Variants in CSMD1 observed in about 807,000 individuals in gnomAD.
CSMD1 encodes the protein CUB and Sushi multiple domains 1, also known as CUB and sushi domain-containing protein 1.
A neutral mutation model predicts 417.5 loss-of-function variants in CSMD1; 213 were observed. The ratio of observed to expected loss-of-function variants is 0.51; its 90% CI spans 0.46 to 0.57. The LOEUF (loss-of-function observed/expected upper bound fraction) is 0.57, where lower values mean the gene tolerates loss of function less well. CSMD1 is among the 20% of genes least tolerant of loss of function. The pLI is 0.00. For synonymous variants in CSMD1, 2,862 were observed against 1,736.8 expected (o/e 1.65, Z -16.11); for missense variants, 6,923 against 4,529.7 (o/e 1.53, Z -15.17).
intron 3 of CSMD1, among the ~76,000 whole-genome samples, chr8:4,130,582 C>G (rs1803038437): frequency 6.6e-6 from 1 of 152,176 alleles, no homozygotes; most frequent in South Asian, 2.1e-4. Context: ...CTTATGTTTT[C>G]TAACTTGCAA....
rs1448558321 is a variant in CSMD1 at position 3,090,317 on chromosome 8, A to T, written c.7285+1199T>A. ...GGGCAACAGAGCCAGACTGTATTTC[A>T]AAAAAAAAAAAAAAAAAAAAAAAAG... On this transcript the variant is annotated intron_variant, in intron 48 of 69. Coordinates refer to ENST00000635120, the MANE Select transcript of CSMD1 (RefSeq NM_033225.6). Among the ~76,000 whole-genome samples the T allele has an allele frequency of 8.8e-4, 4 of 4,554 alleles. No individual in the cohort carries two copies. In the East Asian group the frequency reaches 0.021, roughly 24 times the overall value. 3.0% of individuals were successfully genotyped at this position (4,554 alleles called of 152,430 possible).
chr8:4,256,424 A>G (rs1803458889), intron 3 of CSMD1, among the ~76,000 whole-genome samples: 1 of 152,196 alleles, frequency 6.6e-6, no homozygotes, highest in African/African-American at 2.4e-5. Flanking sequence ...AAAATAGCAC[A>G]GAATTGTGAA....
chr8:4,315,445 G>C (rs757441341), intron 3 of CSMD1, among the ~76,000 whole-genome samples: 2 of 151,990 alleles, frequency 1.3e-5, no homozygotes, highest in Non-Finnish European at 2.9e-5. Flanking sequence ...AAATAAATCA[G>C]TGAATGCAAA....
intron 1 of CSMD1, among the ~76,000 whole-genome samples, chr8:4,702,017 C>G (rs571756657): frequency 6.6e-6 from 1 of 152,272 alleles, no homozygotes; most frequent in African/African-American, 2.4e-5. Flanking sequence ...AACAGAAAAC[C>G]AAACACCGCA....
intron 1 of CSMD1, among the ~76,000 whole-genome samples, chr8:4,926,499 G>T (rs1204890430): frequency 1.3e-5 from 2 of 152,138 alleles, no homozygotes; most frequent in Non-Finnish European, 2.9e-5. Context: ...CTATGTAAAT[G>T]TATAAATAGC....
intron 3 of CSMD1, among the ~76,000 whole-genome samples, chr8:4,383,270 A>G (rs530060589): frequency 6.6e-6 from 1 of 152,174 alleles, no homozygotes; most frequent in Non-Finnish European, 1.5e-5. Flanking sequence ...TACAGTTTGT[A>G]TTCCTTTCCA....
intron 23 of CSMD1, among the ~76,000 whole-genome samples, chr8:3,323,178 C>T (rs748225743): frequency 7.4e-4 from 112 of 152,292 alleles, no homozygotes; most frequent in Non-Finnish European, 1.2e-3. Flanking sequence ...CAACTTCTAA[C>T]TTCGTGGGCA....
chr8:3,904,458 A>AC lies in CSMD1; in HGVS notation c.818+93444_818+93445insG, dbSNP rs759353541. 4.9e-4 allele frequency among the ~76,000 whole-genome samples: 75 copies of AC among 152,312 alleles called. 2 individuals are homozygous for AC. The highest frequency in any genetic ancestry group is 3.1e-3 in the South Asian group (15 of 4,822). On this transcript the variant is annotated intron_variant, in intron 5 of 69. Transcript: ENST00000635120. ...TGTCTAGGAATGTCCCAGAGATTTCAGTAAATGCACATTTGGCCATGGTTG... is the reference window on the plus strand; with the variant it reads ...TGTCTAGGAATGTCCCAGAGATTTCACGTAAATGCACATTTGGCCATGGTTG...
intron 1 of CSMD1, among the ~76,000 whole-genome samples, chr8:4,846,817 A>G (rs1801174438): frequency 6.6e-6 from 1 of 152,200 alleles, no homozygotes; most frequent in African/African-American, 2.4e-5. Flanking sequence ...TTGCAAAACT[A>G]TATCTGGCAT....
At chr8:3,268,033 T>G (rs990644844) in intron 26 of CSMD1, among the ~76,000 whole-genome samples, 3 of 152,088 alleles carry the variant, frequency 2.0e-5, no homozygotes, top group Admixed American at 2.0e-4. Flanking sequence ...CCTGGTAGTT[T>G]TATGAGGGAC....
intron 3 of CSMD1, among the ~76,000 whole-genome samples, chr8:4,256,858 C>T (rs1295585387): frequency 2.0e-5 from 3 of 152,148 alleles, no homozygotes; most frequent in East Asian, 1.9e-4. Flanking sequence ...GAGTCACCAT[C>T]GCATAAAGGG....
At chr8:3,194,516 G>T (rs1281776560) in intron 33 of CSMD1, among the ~76,000 whole-genome samples, 2 of 151,184 alleles carry the variant, frequency 1.3e-5, no homozygotes, top group Non-Finnish European at 2.9e-5. Context: ...GGAGTACAGT[G>T]GTGTGATCTA....
intron 4 of CSMD1, among the ~76,000 whole-genome samples, chr8:3,999,545 A>G (rs1479480654): frequency 1.3e-5 from 2 of 152,146 alleles, no homozygotes; most frequent in Non-Finnish European, 2.9e-5. Flanking sequence ...GGTCCCTTCA[A>G]ATTAGCTGCC....
At chr8:3,462,858 C>T (rs541792039) in intron 12 of CSMD1, among the ~76,000 whole-genome samples, 200 of 152,232 alleles carry the variant, frequency 1.3e-3, no homozygotes, top group African/African-American at 4.7e-3. Context: ...AAGTTGAAAC[C>T]TAACCTCAAA....
intron 2 of CSMD1, among the ~76,000 whole-genome samples, chr8:4,525,339 A>G (rs1332271758): frequency 6.6e-6 from 1 of 152,146 alleles, no homozygotes; most frequent in Non-Finnish European, 1.5e-5. Context: ...ATTTCTCAGC[A>G]GACAGTGAGT....
At chr8:4,224,839 G>A (rs993737400) in intron 3 of CSMD1, among the ~76,000 whole-genome samples, 2 of 152,346 alleles carry the variant, frequency 1.3e-5, no homozygotes, top group South Asian at 2.1e-4. Context: ...ATAGGGCGCT[G>A]TGGCTCACGC....
chr8:3,277,250 G>A lies in CSMD1; in HGVS notation c.4153+6894C>T, dbSNP rs904297308. The stretch of plus-strand genomic sequence containing the variant: ...TTTTTGGCAGTGGGGAGAATGAGAA[G>A]TCACCCTGGCTGAGATGAGAAGATA... On this transcript the variant is annotated intron_variant, in intron 26 of 69. Transcript: ENST00000635120. Among the ~76,000 whole-genome samples, 12 of 152,134 alleles carry A rather than the reference G, an allele frequency of 7.9e-5. 1 individual carries two copies. Among genetic ancestry groups the A allele is most frequent in the Admixed American group, 2.0e-4 (3 of 15,270 alleles).
intron 5 of CSMD1, among the ~76,000 whole-genome samples, chr8:3,804,104 A>C (rs2129073855): frequency 6.6e-6 from 1 of 151,720 alleles, no homozygotes; most frequent in South Asian, 2.1e-4. Context: ...TTTTTTTGTT[A>C]TATTTTTAGT....
intron 10 of CSMD1, among the ~76,000 whole-genome samples, chr8:3,536,081 C>G (rs758421042): frequency 1.3e-5 from 2 of 152,166 alleles, no homozygotes; most frequent in Non-Finnish European, 2.9e-5. Flanking sequence ...GTAGAGATGT[C>G]CCCAAGTAGC....
Sources: gnomAD v4.1 joint callset for allele counts (sites outside exome capture counted in the v4.1 genomes callset) on GRCh38, gnomAD v4.1.1 for gene constraint, MANE v1.5 for transcripts, NCBI Gene and HGNC (gene_info 2026-07-23, HGNC 2026-07-21) for gene names.